UBE2Z: variants seen among roughly 807,000 people sequenced by gnomAD.
The protein encoded by UBE2Z is ubiquitin conjugating enzyme E2 Z, also known as ubiquitin-conjugating enzyme E2 Z.
A neutral mutation model predicts 32.6 loss-of-function variants in UBE2Z; 10 were observed. The ratio of observed to expected loss-of-function variants is 0.31; its 90% CI spans 0.19 to 0.52. The LOEUF is 0.52. Among genes scored for constraint, UBE2Z ranks in the 20% least tolerant of loss-of-function variants. UBE2Z has a pLI of 0.97. For synonymous variants in UBE2Z, 183 were observed against 190.8 expected (o/e 0.96, Z 0.34); for missense variants, 343 against 480.9 (o/e 0.71, Z 2.68).
intron 3 of UBE2Z, among the ~76,000 whole-genome samples, chr17:48,914,185 A>G (rs753253914): frequency 2.0e-5 from 3 of 152,176 alleles, no homozygotes; most frequent in Admixed American, 2.0e-4. Context: ...CTGAAAACTC[A>G]GTGTGGACAT....
At chr17:48,922,231 A>G (rs1236930140) in intron 5 of UBE2Z, among the ~76,000 whole-genome samples, 5 of 151,868 alleles carry the variant, frequency 3.3e-5, no homozygotes, top group African/African-American at 1.2e-4. Flanking sequence ...TACTAAAAAT[A>G]CAAAAATTAC....
chr17:48,923,206 A>C (rs2040774897), intron 6 of UBE2Z: 1 of 244,334 alleles, frequency 4.1e-6, no homozygotes, highest in African/African-American at 2.3e-5. Flanking sequence ...CTGTAGTCCC[A>C]TCTACTCAGG....
At chr17:48,910,950 G>T (rs1226885278) in intron 2 of UBE2Z, 70 bp downstream of exon 2, 1 of 1,247,050 alleles carries the variant, frequency 8.0e-7, no homozygotes, top group Non-Finnish European at 1.2e-6. Flanking sequence ...AAGCCTAAAA[G>T]AGATTATTCA....
Position 48,928,279 on chromosome 17 carries a change from C to T in UBE2Z, c.*1145C>T, listed in dbSNP as rs1415830109. The stretch of plus-strand genomic sequence containing the variant: ...GTCACTGTCTCTGATGGGTATTTGC[C>T]TGGCTTTGTTGCTTCTCTATCTGTA... On this transcript the variant is annotated 3_prime_UTR_variant, in exon 7 of 7. Coordinates refer to ENST00000360943, the MANE Select transcript of UBE2Z (RefSeq NM_023079.5). The T allele has an allele frequency of 6.6e-6, 1 of 152,236 alleles. No individual in the cohort carries two copies. 9.4% of individuals were successfully genotyped at this position (152,236 alleles called of 1,614,324 possible).
chr17:48,909,207 C>T (rs2040656100), intron 1 of UBE2Z, among the ~76,000 whole-genome samples: 2 of 149,404 alleles, frequency 1.3e-5, no homozygotes, highest in African/African-American at 4.9e-5. Flanking sequence ...CCCAACCTTG[C>T]TAGATGCTGC....
At chr17:48,918,673 C>T (rs923455900) in intron 4 of UBE2Z, among the ~76,000 whole-genome samples, 1 of 151,908 alleles carries the variant, frequency 6.6e-6, no homozygotes, top group Non-Finnish European at 1.5e-5. Context: ...CATCCTTTCT[C>T]CAAACATTCA....
chr17:48,922,315 A>T (rs2040765274), intron 5 of UBE2Z, among the ~76,000 whole-genome samples: 1 of 152,046 alleles, frequency 6.6e-6, no homozygotes. Flanking sequence ...TGAACCTGGG[A>T]GGCGGAGGTT....
intron 2 of UBE2Z, chr17:48,911,200 C>T (rs2040674517): frequency 3.1e-6 from 1 of 317,750 alleles, no homozygotes; most frequent in African/African-American, 2.1e-5. Context: ...TATATGGTCA[C>T]CCTATCCATT....
Position 48,908,731 on chromosome 17 carries a change from G to T in UBE2Z, c.228G>T (p.Gly76=), listed in dbSNP as rs2040648631. 1.4e-6 allele frequency: 2 copies of T among 1,465,504 alleles called. No individual in the cohort carries two copies. The highest frequency in any genetic ancestry group is 1.8e-6 in the Non-Finnish European group (2 of 1,111,390). 90.8% of individuals were successfully genotyped at this position (1,465,504 alleles called of 1,614,324 possible). ...PGLPPSAAAH[G]AALLSHWDPT... ...TCCCGCCCTCAGCCGCTGCCCACGG[G>T]GCCGCGCTGCTTAGCCACTGGGACC... The change falls in exon 1 of 7, where the codon GGG becomes GGT. Residue 76 remains glycine, a synonymous_variant. Transcript: ENST00000360943.
intron 6 of UBE2Z, among the ~76,000 whole-genome samples, chr17:48,926,451 C>T (rs2040798720): frequency 6.7e-6 from 1 of 150,266 alleles, no homozygotes; most frequent in African/African-American, 2.4e-5. Flanking sequence ...CCAAGCTACA[C>T]CTATTTGGGG....
intron 6 of UBE2Z, 125 bp from the exon 7 acceptor site, chr17:48,926,839 G>A (rs920393842): frequency 1.5e-5 from 16 of 1,081,868 alleles, no homozygotes; most frequent in Non-Finnish European, 2.1e-5. Context: ...TGCCTGTGCT[G>A]TTAGGCCTTC....
chr17:48,909,229 A>C (rs564860108), intron 1 of UBE2Z, among the ~76,000 whole-genome samples: 225 of 79,654 alleles, frequency 2.8e-3, no homozygotes, highest in Middle Eastern at 0.024. Flanking sequence ...CGCAGGCCCC[A>C]CCCATCGGTC....
chr17:48,912,529 C>G, intron 2 of UBE2Z: 2 of 277,126 alleles, frequency 7.2e-6, no homozygotes, highest in East Asian at 1.4e-4. Flanking sequence ...AAAAAAAATG[C>G]TTTAAGAGAG....
intron 3 of UBE2Z, among the ~76,000 whole-genome samples, chr17:48,915,463 A>C (rs772248255): frequency 1.3e-5 from 2 of 152,168 alleles, no homozygotes; most frequent in African/African-American, 4.8e-5. Context: ...GAAAGAGAGG[A>C]GCAATTTTGG....
At position 48,927,234 on chromosome 17, in the gene UBE2Z, C is replaced by T. The variant is rs1415969068; in HGVS notation, c.*100C>T. ...GGCACTGTGTATCTCCCTCCAGACT[C>T]GAAGTCATCCTGCAAGATGGCAAGA... On this transcript the variant is annotated 3_prime_UTR_variant, in exon 7 of 7. Coordinates refer to ENST00000360943, the MANE Select transcript of UBE2Z (RefSeq NM_023079.5). 1.4e-5 allele frequency: 18 copies of T among 1,272,286 alleles called. No homozygotes were observed. In the East Asian group the frequency reaches 2.0e-4, roughly 14 times the overall value. 78.8% of individuals were successfully genotyped at this position (1,272,286 alleles called of 1,614,324 possible).
chr17:48,923,339 A>T (rs148312451), intron 6 of UBE2Z, among the ~76,000 whole-genome samples: 60,908 of 147,808 alleles, frequency 0.41, 15,301 homozygotes, highest in East Asian at 0.71. Flanking sequence ...AAAAAAAAAA[A>T]AAAAAAAATA....
At chr17:48,919,783 T>A (rs554391329) in intron 4 of UBE2Z, among the ~76,000 whole-genome samples, 20 of 152,276 alleles carry the variant, frequency 1.3e-4, no homozygotes, top group African/African-American at 3.1e-4. Context: ...CAGCCCTACT[T>A]CTGATTTATA....
intron 6 of UBE2Z, among the ~76,000 whole-genome samples, chr17:48,926,612 G>A (rs995403261): frequency 6.6e-6 from 1 of 151,974 alleles, no homozygotes; most frequent in Non-Finnish European, 1.5e-5. Flanking sequence ...CTCCCGAGTA[G>A]CTGGGATTAC....
Position 48,916,947 on chromosome 17 carries a change from G to A in UBE2Z, c.690+760G>A, listed in dbSNP as rs138440538. On this transcript the variant is annotated intron_variant, in intron 4 of 6. Transcript: ENST00000360943. ...GAACCCTGGAGGCAGAGGTTGCAGT[G>A]AGCTGAGATCACGCCATTACACTCC... 5.8e-3 allele frequency among the ~76,000 whole-genome samples: 886 copies of A among 152,062 alleles called. 8 individuals are homozygous for A. Among genetic ancestry groups the A allele is most frequent in the African/African-American group, 0.02 (849 of 41,472 alleles).
Sources: gnomAD v4.1 joint callset for allele counts (sites outside exome capture counted in the v4.1 genomes callset) on GRCh38, gnomAD v4.1.1 for gene constraint, MANE v1.5 for transcripts, NCBI Gene and HGNC (gene_info 2026-07-23, HGNC 2026-07-21) for gene names.